Variants in SLC35F2 observed in about 807,000 individuals in gnomAD.
SLC35F2 encodes solute carrier family 35 member F2, also known as queuine/queuosine transporter SLC35F2.
A neutral mutation model predicts 38.1 loss-of-function variants in SLC35F2; 25 were observed. The observed-to-expected ratio is 0.66, with a 90% CI of 0.48 to 0.92. The LOEUF (loss-of-function observed/expected upper bound fraction) is 0.92. Ranked by LOEUF, SLC35F2 falls within the 40% of genes least tolerant of loss-of-function variation. SLC35F2 has a pLI of 0.00. For synonymous variants in SLC35F2, 173 were observed against 181.7 expected (o/e 0.95, Z 0.38); for missense variants, 409 against 452.9 (o/e 0.90, Z 0.88).
At chr11:107,855,476 A>C (rs1259862807) in intron 1 of SLC35F2, among the ~76,000 whole-genome samples, 2 of 152,128 alleles carry the variant, frequency 1.3e-5, no homozygotes, top group Non-Finnish European at 2.9e-5. Context: ...AACATGGAGA[A>C]GCCCCATCTC....
At chr11:107,848,294 G>A (rs939920708) in intron 1 of SLC35F2, among the ~76,000 whole-genome samples, 2 of 152,172 alleles carry the variant, frequency 1.3e-5, no homozygotes, top group Non-Finnish European at 2.9e-5. Flanking sequence ...GAAGGGTGAG[G>A]AGAGGAGGAG....
chr11:107,806,856 A>C lies in SLC35F2; in HGVS notation c.435T>G (p.Ile145Met). Residue 145 changes from isoleucine to methionine, a missense_variant, in exon 4 of 8, where the codon ATT becomes ATG. Coordinates refer to ENST00000525815, the MANE Select transcript of SLC35F2 (RefSeq NM_017515.5). ...ACCATGACAGAGCCATCAACACAGGAATCCCAAAGCAATCCAAAAGCTGCA... is the reference window on the plus strand; with the variant it reads ...ACCATGACAGAGCCATCAACACAGGCATCCCAAAGCAATCCAAAAGCTGCA... ...TSVQLLDCFG[I>M]PVLMALSWFI... The C allele has an allele frequency of 6.2e-7, 1 of 1,614,062 alleles. No homozygotes were observed. The highest frequency in any genetic ancestry group is 8.5e-7 in the Non-Finnish European group (1 of 1,179,924).
chr11:107,837,555 A>T (rs1859949596), intron 1 of SLC35F2, among the ~76,000 whole-genome samples: 1 of 146,454 alleles, frequency 6.8e-6, no homozygotes, highest in Non-Finnish European at 1.5e-5. Flanking sequence ...TTAGCTGGGC[A>T]TGGTTGCACA....
chr11:107,821,914 C>T (rs1189574121), intron 1 of SLC35F2, among the ~76,000 whole-genome samples: 2 of 152,164 alleles, frequency 1.3e-5, no homozygotes, highest in Non-Finnish European at 2.9e-5. Flanking sequence ...AACCACATTA[C>T]TATTAGAATC....
intron 1 of SLC35F2, among the ~76,000 whole-genome samples, chr11:107,854,206 T>A (rs1591213653): frequency 1.3e-5 from 2 of 150,864 alleles, no homozygotes; most frequent in East Asian, 2.0e-4. Flanking sequence ...CCAAGGCAGG[T>A]GGATCACTTG....
At chr11:107,846,558 T>C (rs1372314784) in intron 1 of SLC35F2, among the ~76,000 whole-genome samples, 1 of 152,200 alleles carries the variant, frequency 6.6e-6, no homozygotes, top group Non-Finnish European at 1.5e-5. Flanking sequence ...CCTCAAAGAA[T>C]TGCTGCCAAA....
At chr11:107,824,335 T>C (rs887742415) in intron 1 of SLC35F2, among the ~76,000 whole-genome samples, 1 of 152,178 alleles carries the variant, frequency 6.6e-6, no homozygotes, top group African/African-American at 2.4e-5. Flanking sequence ...CATGTTAAAA[T>C]GCAAGGCAGA....
intron 1 of SLC35F2, among the ~76,000 whole-genome samples, chr11:107,833,518 C>CAAAAAAAA (rs34376803): frequency 4.5e-5 from 4 of 89,540 alleles, no homozygotes; most frequent in African/African-American, 1.5e-4. Context: ...GACTCTGTCT[C>CAAAAAAAA]AAAAAAAAAA....
At chr11:107,827,312 C>T (rs1235402396) in intron 1 of SLC35F2, among the ~76,000 whole-genome samples, 1 of 152,100 alleles carries the variant, frequency 6.6e-6, no homozygotes, top group East Asian at 1.9e-4. Context: ...TAAATACTAC[C>T]TCCCACTAAA....
At chr11:107,793,108 G>A (rs1859160076) in intron 7 of SLC35F2, among the ~76,000 whole-genome samples, 2 of 152,068 alleles carry the variant, frequency 1.3e-5, no homozygotes, top group Admixed American at 6.5e-5. Flanking sequence ...GTAGAGACGG[G>A]GTTTTTCCAT....
intron 6 of SLC35F2, chr11:107,803,379 G>T (rs1351304500): frequency 1.0e-6 from 1 of 985,296 alleles, no homozygotes; most frequent in Non-Finnish European, 1.2e-6. Context: ...ATCCAACAAG[G>T]TATTGGATGA....
At chr11:107,815,427 C>T (rs1022681735) in intron 2 of SLC35F2, among the ~76,000 whole-genome samples, 6 of 150,458 alleles carry the variant, frequency 4.0e-5, no homozygotes, top group African/African-American at 9.7e-5. Flanking sequence ...CATGGTGGCA[C>T]ACTCCTGTAG....
intron 4 of SLC35F2, 102 bp from the exon 5 acceptor site, chr11:107,805,617 TA>T (rs1326901991): frequency 6.8e-7 from 1 of 1,471,586 alleles, no homozygotes; most frequent in East Asian, 2.4e-5. Flanking sequence ...TAAATGACAC[TA>T]AAGAAGAAGA....
chr11:107,837,563 A>C (rs978143593), intron 1 of SLC35F2, among the ~76,000 whole-genome samples: 1 of 150,066 alleles, frequency 6.7e-6, no homozygotes, highest in East Asian at 2.0e-4. Flanking sequence ...GCATGGTTGC[A>C]CAGACCTGTA....
At chr11:107,835,006 T>C (rs1487685840) in intron 1 of SLC35F2, among the ~76,000 whole-genome samples, 1 of 152,130 alleles carries the variant, frequency 6.6e-6, no homozygotes, top group Non-Finnish European at 1.5e-5. Flanking sequence ...TATCATCCCA[T>C]AGCCAATAAG....
intron 1 of SLC35F2, among the ~76,000 whole-genome samples, chr11:107,843,253 G>C (rs1860040007): frequency 6.6e-6 from 1 of 152,090 alleles, no homozygotes. Flanking sequence ...TGCGTTTACG[G>C]GAACTTACTA....
At chr11:107,826,395 C>G (rs1859756013) in intron 1 of SLC35F2, among the ~76,000 whole-genome samples, 1 of 151,900 alleles carries the variant, frequency 6.6e-6, no homozygotes, top group Admixed American at 6.6e-5. Flanking sequence ...CAGGCATGTG[C>G]CACCACGTCC....
In SLC35F2 at chr11:107,858,452, G is replaced by T. The variant is rs544719090; in HGVS notation, c.110+206C>A. On this transcript the variant is annotated intron_variant, in intron 1 of 7. Coordinates refer to ENST00000525815, the MANE Select transcript of SLC35F2 (RefSeq NM_017515.5). Reference sequence around the variant, plus strand: ...TCGCCACGATTTCGAAACGGGAGCCGAGGGAGACGCACCAAGTGCTTCCCG... The same window carrying T: ...TCGCCACGATTTCGAAACGGGAGCCTAGGGAGACGCACCAAGTGCTTCCCG... 1.4e-4 allele frequency: 57 copies of T among 418,286 alleles called. 1 individual carries two copies. The highest frequency in any genetic ancestry group is 2.1e-4 in the Non-Finnish European group (50 of 240,852). 25.9% of individuals were successfully genotyped at this position (418,286 alleles called of 1,614,324 possible).
intron 1 of SLC35F2, chr11:107,823,847 T>C (rs945587775): frequency 3.7e-6 from 1 of 273,316 alleles, no homozygotes; most frequent in Middle Eastern, 1.9e-3. Flanking sequence ...GAGAATCACT[T>C]GAACCCAGGA....
Sources: gnomAD v4.1 joint callset for allele counts (sites outside exome capture counted in the v4.1 genomes callset) on GRCh38, gnomAD v4.1.1 for gene constraint, MANE v1.5 for transcripts, NCBI Gene and HGNC (gene_info 2026-07-23, HGNC 2026-07-21) for gene names.